The following SHISAL2A variants were observed in gnomAD, a reference collection of about 807,000 sequenced individuals.
The protein encoded by SHISAL2A is protein shisa-like-2A.
Under a neutral mutation model 11.5 loss-of-function variants are expected in SHISAL2A, and 18 were observed. The observed-to-expected ratio is 1.57, with a 90% CI of 1.08 to 2.33. The LOEUF (loss-of-function observed/expected upper bound fraction) is 2.33. SHISAL2A is among the 30% of genes most tolerant of loss of function. The pLI is 0.00. For missense variants in SHISAL2A, 261 were observed against 250.9 expected (o/e 1.04, Z -0.27); for synonymous variants, 94 against 99.6 (o/e 0.94, Z 0.34).
At chr1:52,633,142 G>A (rs1472199805), upstream of SHISAL2A, among the ~76,000 whole-genome samples, 2 of 152,214 alleles carry the variant, frequency 1.3e-5, no homozygotes, top group African/African-American at 2.4e-5. This position sits in a 1 kb window ranked among gnomAD's most constrained non-coding sequence, Gnocchi z 6.4. Flanking sequence ...GGGGAGCGCA[G>A]TGGGGAGGGG....
downstream of SHISAL2A, among the ~76,000 whole-genome samples, chr1:52,660,840 C>A (rs1382314471): frequency 2.6e-5 from 4 of 152,130 alleles, no homozygotes; most frequent in African/African-American, 9.7e-5. Context: ...TAAATGAGGT[C>A]CCGATCCCTA....
chr1:52,645,618 A>G (rs1691483927), intron 2 of SHISAL2A, among the ~76,000 whole-genome samples: 1 of 152,202 alleles, frequency 6.6e-6, no homozygotes, highest in South Asian at 2.1e-4. Context: ...CGTCCTGCTC[A>G]GGCTAGTCTC....
intron 4 of SHISAL2A, chr1:52,667,326 T>C: frequency 3.9e-6 from 3 of 774,558 alleles, no homozygotes; most frequent in Non-Finnish European, 4.7e-6. Flanking sequence ...CAGTAATAGC[T>C]CTTGCTGGGA....
rs577528380 is a variant in SHISAL2A at position 52,648,912 on chromosome 1, A to C, written c.322+5910A>C. Among the ~76,000 whole-genome samples the C allele has an allele frequency of 2.3e-4, 35 of 151,694 alleles. 1 individual carries two copies. In the South Asian group the frequency reaches 7.1e-3, roughly 31 times the overall value. ...TCCCTCGGCCCTGTGAATGGAAACC[A>C]TCCTCCTGCTTTTCACTGCTCAGCC... On this transcript the variant is annotated intron_variant, in intron 2 of 2. Coordinates refer to ENST00000517870, the MANE Select transcript of SHISAL2A (RefSeq NM_001042693.3).
At chr1:52,639,529 G>A (rs1444432069) in intron 1 of SHISAL2A, among the ~76,000 whole-genome samples, 1 of 152,026 alleles carries the variant, frequency 6.6e-6, no homozygotes, top group Non-Finnish European at 1.5e-5. Flanking sequence ...CGAGGCGGGC[G>A]GATCACGAGG....
chr1:52,657,830 G>A (rs1035074789), downstream of SHISAL2A, among the ~76,000 whole-genome samples: 2 of 151,986 alleles, frequency 1.3e-5, no homozygotes, highest in African/African-American at 4.8e-5. Context: ...ACTCCAGCCT[G>A]GGCAAGACCT....
At chr1:52,648,478 G>T (rs10788940) in intron 2 of SHISAL2A, among the ~76,000 whole-genome samples, 1 of 151,944 alleles carries the variant, frequency 6.6e-6, no homozygotes, top group Non-Finnish European at 1.5e-5. Flanking sequence ...CAAAGTCACC[G>T]AATGAGTGAC....
intron 4 of SHISAL2A, among the ~76,000 whole-genome samples, chr1:52,666,746 A>G (rs960082281): frequency 6.6e-6 from 1 of 152,160 alleles, no homozygotes; most frequent in African/African-American, 2.4e-5. Flanking sequence ...TTAAGCAAAA[A>G]GGGTCTTTAC....
Position 52,633,599 on chromosome 1 carries a change from T to G in SHISAL2A, c.106T>G (p.Phe36Val). 3 of 1,612,616 alleles carry G rather than the reference T, an allele frequency of 1.9e-6. No individual in the cohort carries two copies. Among genetic ancestry groups the G allele is most frequent in the Non-Finnish European group, 1.7e-6 (2 of 1,179,448 alleles). Residue 36 changes from phenylalanine (F) to valine (V), a missense_variant, in exon 1 of 3, where the codon TTC (phenylalanine) becomes GTC (valine). Phe to Val is a conservative substitution (Grantham distance 50, BLOSUM62 -1). Transcript: ENST00000517870. The surrounding 1 kb of genome is among the most constrained non-coding windows in gnomAD (Gnocchi z 6.4). ...GGCGGCCGCTGTCTTCTGCTGCGGCTTCCGCGACCACAAGTACTGCTGCGA... is the reference window on the plus strand; with the variant it reads ...GGCGGCCGCTGTCTTCTGCTGCGGCGTCCGCGACCACAAGTACTGCTGCGA... ...GEAAAVFCCG[F>V]RDHKYCCDDP... is the part of the protein sequence containing the mutation.
At chr1:52,641,401 G>T (rs544966732) in intron 1 of SHISAL2A, among the ~76,000 whole-genome samples, 1 of 152,236 alleles carries the variant, frequency 6.6e-6, no homozygotes, top group East Asian at 1.9e-4. Context: ...CAGAATTGAT[G>T]GTGTCTGCTG....
intron 2 of SHISAL2A, among the ~76,000 whole-genome samples, chr1:52,656,005 A>G (rs1431215859): frequency 6.6e-6 from 1 of 152,200 alleles, no homozygotes; most frequent in East Asian, 1.9e-4. Context: ...GCTTTGTGAA[A>G]GGGCCGAGGT....
At chr1:52,667,293 C>T (rs901722542) in intron 4 of SHISAL2A, 8 of 456,304 alleles carry the variant, frequency 1.8e-5, no homozygotes, top group African/African-American at 2.1e-5. Flanking sequence ...TTAGTCAGCA[C>T]GAGTTCATTC....
At chr1:52,634,660 C>T (rs969799585) in intron 1 of SHISAL2A, among the ~76,000 whole-genome samples, 2 of 152,182 alleles carry the variant, frequency 1.3e-5, no homozygotes, top group African/African-American at 4.8e-5. Flanking sequence ...ACTTGATCCT[C>T]AGCCTACTTT....
chr1:52,635,078 A>G (rs962554894), intron 1 of SHISAL2A, among the ~76,000 whole-genome samples: 1 of 152,114 alleles, frequency 6.6e-6, no homozygotes, highest in South Asian at 2.1e-4. Context: ...GTTCATCCAT[A>G]TATTCATTCA....
intron 2 of SHISAL2A, among the ~76,000 whole-genome samples, chr1:52,643,789 G>T (rs554398482): frequency 2.0e-5 from 3 of 151,942 alleles, no homozygotes; most frequent in Non-Finnish European, 4.4e-5. Context: ...GGAGATGGAG[G>T]TTGCAGTGAG....
intron 4 of SHISAL2A, among the ~76,000 whole-genome samples, chr1:52,664,287 T>C (rs1209284591): frequency 1.3e-5 from 2 of 151,826 alleles, no homozygotes; most frequent in South Asian, 2.1e-4. Flanking sequence ...GCCTCTCGGG[T>C]TCACGCCATT....
intron 2 of SHISAL2A, among the ~76,000 whole-genome samples, chr1:52,643,380 G>C (rs887235875): frequency 3.9e-5 from 6 of 152,124 alleles, no homozygotes; most frequent in African/African-American, 7.2e-5. Flanking sequence ...TATCAGAAAC[G>C]AAATACAAGC....
intron 2 of SHISAL2A, among the ~76,000 whole-genome samples, chr1:52,650,154 T>C (rs148239803): frequency 1.8e-3 from 273 of 152,276 alleles, no homozygotes; most frequent in African/African-American, 6.1e-3. Flanking sequence ...TAATTAACCA[T>C]ACTTGAGAGG....
chr1:52,649,160 C>T (rs1184133387), intron 2 of SHISAL2A, among the ~76,000 whole-genome samples: 1 of 152,170 alleles, frequency 6.6e-6, no homozygotes, highest in Admixed American at 6.6e-5. Context: ...CCAGGAGCTT[C>T]CTTCTGCATC....
Sources: allele counts gnomAD v4.1 joint callset (sites outside exome capture counted in the v4.1 genomes callset), GRCh38; gene constraint gnomAD v4.1.1; non-coding constraint Gnocchi (gnomAD v3.1); transcripts MANE v1.5; gene names NCBI Gene and HGNC (gene_info 2026-07-23, HGNC 2026-07-21).